The following TESC variants were observed in gnomAD, a reference collection of about 807,000 sequenced individuals.
TESC encodes tescalcin, also known as calcineurin B homologous protein 3.
A neutral mutation model predicts 31.0 loss-of-function variants in TESC; 19 were observed. The observed-to-expected ratio is 0.61, with a 90% CI of 0.43 to 0.90. The LOEUF is 0.90. Among genes scored for constraint, TESC ranks in the 40% least tolerant of loss-of-function variants. The probability of loss-of-function intolerance (pLI) is 0.00; values close to 1 mark genes in which losing one functional copy is unlikely to be tolerated. For missense variants in TESC, 248 were observed against 303.8 expected (o/e 0.82, Z 1.36); for synonymous variants, 109 against 114.8 (o/e 0.95, Z 0.32).
intron 1 of TESC, among the ~76,000 whole-genome samples, chr12:117,084,378 G>A (rs1460149129): frequency 2.0e-5 from 3 of 152,352 alleles, no homozygotes; most frequent in South Asian, 2.1e-4. Context: ...CCACCCTGTC[G>A]AAGGGGCTGC....
chr12:117,075,875 GTATA>G (rs528031954), intron 1 of TESC, among the ~76,000 whole-genome samples: 2,923 of 62,348 alleles, frequency 0.047, 144 homozygotes, highest in South Asian at 0.08. Context: ...ATATATGTGT[GTATA>G]TATATATATA....
At chr12:117,067,287 A>T (rs956745385) in intron 2 of TESC, among the ~76,000 whole-genome samples, 1 of 152,200 alleles carries the variant, frequency 6.6e-6, no homozygotes, top group African/African-American at 2.4e-5. Context: ...TGTCGAGGCC[A>T]GGCATGGTGT....
chr12:117,049,919 AAAAAAGG>A (rs1954623260), intron 3 of TESC, among the ~76,000 whole-genome samples: 1 of 150,958 alleles, frequency 6.6e-6, no homozygotes, highest in East Asian at 1.9e-4. Context: ...AAAAAAAAAA[AAAAAAGG>A]AAGAAGAGGA....
chr12:117,076,451 T>G (rs1488392641), intron 1 of TESC, among the ~76,000 whole-genome samples: 2 of 152,112 alleles, frequency 1.3e-5, no homozygotes, highest in South Asian at 4.1e-4. Context: ...TCTCAGGTAT[T>G]TTGTTTGTTT....
chr12:117,098,634 T>C (rs1955426918), intron 1 of TESC: 1 of 152,298 alleles, frequency 6.6e-6, no homozygotes, highest in Non-Finnish European at 1.5e-5. Flanking sequence ...GGGAGGACGC[T>C]GGGCTCCGGG....
chr12:117,090,622 C>T (rs1955293250), intron 1 of TESC, among the ~76,000 whole-genome samples: 1 of 152,124 alleles, frequency 6.6e-6, no homozygotes, highest in African/African-American at 2.4e-5. Context: ...TTTGCCTAGA[C>T]AGTAAGAGGC....
chr12:117,086,067 C>T (rs1197408877), intron 1 of TESC, among the ~76,000 whole-genome samples: 10 of 151,558 alleles, frequency 6.6e-5, no homozygotes, highest in Non-Finnish European at 1.5e-4. Flanking sequence ...ATGCTATTTA[C>T]ATGAAATGCC....
chr12:117,092,010 T>A (rs1007683269), intron 1 of TESC, among the ~76,000 whole-genome samples: 1 of 152,026 alleles, frequency 6.6e-6, no homozygotes, highest in African/African-American at 2.4e-5. Context: ...TGGTTTTGAG[T>A]CTGGATTCCC....
chr12:117,048,569 C>T (rs145355255), intron 4 of TESC: 10 of 388,134 alleles, frequency 2.6e-5, no homozygotes, highest in African/African-American at 2.1e-4. Context: ...AGCAATAGCA[C>T]AGCCCATGGA....
At chr12:117,087,637 G>A (rs1291405713) in intron 1 of TESC, among the ~76,000 whole-genome samples, 1 of 152,202 alleles carries the variant, frequency 6.6e-6, no homozygotes, top group Non-Finnish European at 1.5e-5. Flanking sequence ...CCTTCCTACA[G>A]CTATGCTCTG....
At chr12:117,060,719 AG>A (rs1221189938) in intron 2 of TESC, among the ~76,000 whole-genome samples, 3 of 152,114 alleles carry the variant, frequency 2.0e-5, no homozygotes, top group Non-Finnish European at 4.4e-5. Flanking sequence ...GGGGCATGGA[AG>A]AGTCAGCTTG....
intron 1 of TESC, among the ~76,000 whole-genome samples, chr12:117,087,967 GCCTC>G (rs1955242531): frequency 1.3e-5 from 2 of 152,184 alleles, no homozygotes; most frequent in South Asian, 4.1e-4. Context: ...TTAGGGCCAT[GCCTC>G]CCTTTTAGGG....
chr12:117,078,465 C>CA (rs1407682844), intron 1 of TESC, among the ~76,000 whole-genome samples: 235 of 148,840 alleles, frequency 1.6e-3, no homozygotes, highest in East Asian at 4.9e-3. Context: ...GACTCTGCCT[C>CA]AAAAAAAAAG....
intron 2 of TESC, among the ~76,000 whole-genome samples, chr12:117,072,707 C>T (rs1190840359): frequency 2.0e-5 from 3 of 152,254 alleles, no homozygotes; most frequent in Non-Finnish European, 2.9e-5. Flanking sequence ...TGCCTTCCCA[C>T]ATCCTCCACT....
chr12:117,084,534 C>T (rs1322767969), intron 1 of TESC, among the ~76,000 whole-genome samples: 1 of 152,232 alleles, frequency 6.6e-6, no homozygotes, highest in African/African-American at 2.4e-5. Flanking sequence ...GCCTGCCTGG[C>T]CCTGGCCTCC....
chr12:117,090,537 A>G (rs1955292235), intron 1 of TESC, among the ~76,000 whole-genome samples: 1 of 152,242 alleles, frequency 6.6e-6, no homozygotes, highest in Non-Finnish European at 1.5e-5. Flanking sequence ...AATCCTCGCA[A>G]CATTCAGTGA....
At chr12:117,061,618 G>T (rs1954801389) in intron 2 of TESC, among the ~76,000 whole-genome samples, 1 of 152,094 alleles carries the variant, frequency 6.6e-6, no homozygotes, top group South Asian at 2.1e-4. Context: ...CCCCCAGTGG[G>T]TGTGTAAATG....
At chr12:117,088,490 G>GGCCTCAAGTTTGAGTTT (rs1289590830) in intron 1 of TESC, among the ~76,000 whole-genome samples, 2 of 152,112 alleles carry the variant, frequency 1.3e-5, no homozygotes, top group Admixed American at 6.5e-5. Context: ...AGACCAGCCT[G>GGCCTCAAGTTTGAGTTT]GCCAACATGG....
intron 1 of TESC, among the ~76,000 whole-genome samples, chr12:117,093,866 G>GA (rs1157511996): frequency 2.0e-5 from 3 of 151,740 alleles, no homozygotes; most frequent in East Asian, 3.9e-4. Flanking sequence ...GAGCCTGAAG[G>GA]AAAAAACAGA....
Sources: allele counts gnomAD v4.1 joint callset (sites outside exome capture counted in the v4.1 genomes callset), GRCh38; gene constraint gnomAD v4.1.1; transcripts MANE v1.5; gene names NCBI Gene and HGNC (gene_info 2026-07-23, HGNC 2026-07-21).